SIL1: variants seen among roughly 807,000 people sequenced by gnomAD.
The protein encoded by SIL1 is nucleotide exchange factor SIL1.
A neutral mutation model predicts 49.1 loss-of-function variants in SIL1; 40 were observed. The observed-to-expected ratio is 0.81, with a 90% CI of 0.63 to 1.06. The LOEUF is 1.06. SIL1 is among the 50% of genes least tolerant of loss of function. SIL1 has a pLI of 0.00. For missense variants in SIL1, 500 were observed against 572.6 expected, an observed-to-expected ratio of 0.87 and a Z score of 1.29; for synonymous variants, 253 against 250.8, an observed-to-expected ratio of 1.01 and a Z score of -0.08.
At chr5:139,063,256 A>C (rs994093723) in intron 3 of SIL1, among the ~76,000 whole-genome samples, 4 of 152,232 alleles carry the variant, frequency 2.6e-5, no homozygotes, top group Non-Finnish European at 1.5e-5. Context: ...TGAGAAAAGC[A>C]TCAGACCTTT....
At chr5:139,123,603 TAGACTGC>T (rs1250531364) in intron 2 of SIL1, among the ~76,000 whole-genome samples, 1 of 152,146 alleles carries the variant, frequency 6.6e-6, no homozygotes, top group Non-Finnish European at 1.5e-5. Flanking sequence ...TCAGAAGCAT[TAGACTGC>T]AGGACCAGGA....
At position 138,947,443 on chromosome 5, in the gene SIL1, G is replaced by A. The variant is rs1766660538; in HGVS notation, c.1060C>T (p.Gln354Ter). ...MFAEEEAELT[Q>*]EMSPEKLQQY... ...TGCAGCTTCTCTGGGGACATCTCCT[G>A]GGTCAGCTCAGCCTCCTCCTCGGCG... Residue 354 changes from glutamine (Q) to a stop codon, truncating the protein, a stop_gained, in exon 10 of 10, where the codon CAG becomes TAG. Transcript: ENST00000394817. LOFTEE classifies it high-confidence loss of function. The surrounding 1 kb of genome is among the most constrained non-coding windows in gnomAD (Gnocchi z 4.1). 5 of 1,613,458 alleles carry A rather than the reference G, an allele frequency of 3.1e-6. No individual in the cohort carries two copies. Among genetic ancestry groups the A allele is most frequent in the Non-Finnish European group, 4.2e-6 (5 of 1,180,042 alleles).
At chr5:139,032,551 G>T (rs1031833407) in intron 5 of SIL1, among the ~76,000 whole-genome samples, 1 of 152,146 alleles carries the variant, frequency 6.6e-6, no homozygotes, top group African/African-American at 2.4e-5. Flanking sequence ...TCTGGTTCAG[G>T]TATTAGTGTG....
intron 3 of SIL1, among the ~76,000 whole-genome samples, chr5:139,084,341 T>G (rs1770161331): frequency 7.4e-6 from 1 of 134,242 alleles, no homozygotes. Flanking sequence ...ACACGTATGT[T>G]TATTGCGGCA....
chr5:138,957,408 C>G (rs1182994483), intron 7 of SIL1, among the ~76,000 whole-genome samples: 1 of 125,882 alleles, frequency 7.9e-6, no homozygotes, highest in Non-Finnish European at 1.6e-5. Flanking sequence ...CCCGTCTCTG[C>G]AAAAGTAAAA....
chr5:139,001,570 G>C (rs1024684829), intron 7 of SIL1, among the ~76,000 whole-genome samples: 2 of 152,174 alleles, frequency 1.3e-5, no homozygotes, highest in East Asian at 3.8e-4. Context: ...TATGTGGTAG[G>C]GGGGATACAA....
chr5:138,959,188 TAC>T (rs1377451200), intron 7 of SIL1, among the ~76,000 whole-genome samples: 1 of 152,152 alleles, frequency 6.6e-6, no homozygotes, highest in African/African-American at 2.4e-5. Context: ...TTTTTGAAAA[TAC>T]AGACTCCAAG....
intron 3 of SIL1, among the ~76,000 whole-genome samples, chr5:139,078,759 T>C (rs1442501998): frequency 1.3e-5 from 2 of 152,254 alleles, no homozygotes; most frequent in East Asian, 3.8e-4. Context: ...TTGATGACTT[T>C]CAATTAACAA....
chr5:138,980,943 G>A (rs553289790), intron 7 of SIL1, among the ~76,000 whole-genome samples: 4 of 152,150 alleles, frequency 2.6e-5, no homozygotes, highest in South Asian at 2.1e-4. Context: ...GGTGGCTCTC[G>A]CCTGTAATCC....
chr5:139,015,083 A>G (rs1027221053), intron 7 of SIL1, among the ~76,000 whole-genome samples: 4 of 152,160 alleles, frequency 2.6e-5, no homozygotes, highest in African/African-American at 9.7e-5. Flanking sequence ...TCAGCCTCCA[A>G]CGTTCTCTGA....
At position 139,196,251 on chromosome 5, in the gene SIL1, T is replaced by C. The variant is rs1051645270; in HGVS notation, c.-11+2018A>G. Among the ~76,000 whole-genome samples the C allele has an allele frequency of 6.6e-5, 10 of 152,296 alleles. No homozygotes were observed. The East Asian group carries it at 1.9e-3, about 29-fold the overall frequency. ...ATATTAAAGAAACTGATCTCTCGCA[T>C]GGTTCAAAAAGGTCTCTGAAAACAA... On this transcript the variant is annotated intron_variant, in intron 1 of 9. Coordinates refer to ENST00000394817, the MANE Select transcript of SIL1 (RefSeq NM_022464.5).
chr5:139,071,407 T>C (rs1769832004), intron 3 of SIL1, among the ~76,000 whole-genome samples: 1 of 152,162 alleles, frequency 6.6e-6, no homozygotes, highest in South Asian at 2.1e-4. Flanking sequence ...AATATTACAG[T>C]TGGAGGGACC....
chr5:139,143,538 GT>G (rs1441679054), intron 1 of SIL1, among the ~76,000 whole-genome samples: 1 of 151,586 alleles, frequency 6.6e-6, no homozygotes, highest in African/African-American at 2.4e-5. Context: ...ACATGGCTAA[GT>G]TTTTGTATTT....
intron 7 of SIL1, among the ~76,000 whole-genome samples, chr5:139,014,920 T>C (rs1158888461): frequency 3.3e-5 from 5 of 152,062 alleles, no homozygotes; most frequent in Non-Finnish European, 7.3e-5. Flanking sequence ...CTCCAGTGTG[T>C]GACCTCATCC....
At chr5:139,155,235 GGTTAGGCCC>G (rs1366494013) in intron 1 of SIL1, 1 of 152,152 alleles carries the variant, frequency 6.6e-6, no homozygotes, top group African/African-American at 2.4e-5. Context: ...GTATGAGCTG[GGTTAGGCCC>G]ACTGTATTAG....
intron 1 of SIL1, among the ~76,000 whole-genome samples, chr5:139,187,154 G>T (rs1752089891): frequency 6.6e-6 from 1 of 152,140 alleles, no homozygotes; most frequent in Non-Finnish European, 1.5e-5. Flanking sequence ...CTATAATAAA[G>T]GTGTTGCAAT....
intron 3 of SIL1, among the ~76,000 whole-genome samples, chr5:139,119,330 A>T (rs1750557874): frequency 6.6e-6 from 1 of 152,162 alleles, no homozygotes; most frequent in African/African-American, 2.4e-5. Flanking sequence ...AACCATCAAC[A>T]TCGTTCAGTC....
chr5:139,015,696 C>A (rs561008932), intron 7 of SIL1, among the ~76,000 whole-genome samples: 1 of 152,198 alleles, frequency 6.6e-6, no homozygotes, highest in Non-Finnish European at 1.5e-5. Context: ...GGTCTCCTTA[C>A]TATGTTATTA....
chr5:139,086,396 C>T (rs1349088164), intron 3 of SIL1, among the ~76,000 whole-genome samples: 1 of 150,696 alleles, frequency 6.6e-6, no homozygotes, highest in African/African-American at 2.4e-5. Context: ...CGGAGTTTTG[C>T]TCTTATTGCC....
Sources: allele counts gnomAD v4.1 joint callset (sites outside exome capture counted in the v4.1 genomes callset), GRCh38; gene constraint gnomAD v4.1.1; non-coding constraint Gnocchi (gnomAD v3.1); transcripts MANE v1.5; gene names NCBI Gene and HGNC (gene_info 2026-07-23, HGNC 2026-07-21).